Variants in LRRC37A2 observed in about 807,000 individuals in gnomAD.
LRRC37A2 encodes leucine-rich repeat-containing protein 37A2.
Under a neutral mutation model 68.8 loss-of-function variants are expected in LRRC37A2, and 9 were observed. The observed-to-expected ratio is 0.13, with a 90% CI of 0.08 to 0.23. The LOEUF is 0.23. LRRC37A2 is among the 10% of genes least tolerant of loss of function. The pLI, the probability that LRRC37A2 is intolerant of heterozygous loss-of-function variation, is 1.00. For synonymous variants in LRRC37A2, 63 were observed against 367.6 expected, an observed-to-expected ratio of 0.17 and a Z score of 9.48; for missense variants, 168 against 950.4, an observed-to-expected ratio of 0.18 and a Z score of 10.82.
At chr17:46,900,146 C>G in the LRRC37A2 span, among the ~76,000 whole-genome samples, 2 of 117,884 alleles carry the variant, frequency 1.7e-5, no homozygotes, top group Non-Finnish European at 3.3e-5. Flanking sequence ...TCCTCCCATC[C>G]TTTTCTATAT....
chr17:46,900,614 T>G, the LRRC37A2 span, among the ~76,000 whole-genome samples: 1 of 152,246 alleles, frequency 6.6e-6, no homozygotes, highest in South Asian at 2.1e-4. Context: ...GTGAAGAGTT[T>G]GGAGAAGGAG....
the LRRC37A2 span, chr17:46,938,631 C>G: frequency 1.7e-5 from 27 of 1,613,984 alleles, no homozygotes; most frequent in Admixed American, 2.3e-4. Flanking sequence ...ACATTGCCAA[C>G]ATGCTGGGCT....
At chr17:46,875,080 G>A in the LRRC37A2 span, 2 of 1,613,320 alleles carry the variant, frequency 1.2e-6, no homozygotes, top group Non-Finnish European at 1.7e-6. Context: ...CCCTCCCTAT[G>A]CCCCTGGGTG....
chr17:46,735,676 G>A, the LRRC37A2 span, among the ~76,000 whole-genome samples: 3 of 152,134 alleles, frequency 2.0e-5, no homozygotes, highest in African/African-American at 7.2e-5. Context: ...CAGGCGCAGT[G>A]GCTCATGCCT....
the LRRC37A2 span, among the ~76,000 whole-genome samples, chr17:46,887,481 A>C: frequency 1.3e-4 from 20 of 151,916 alleles, no homozygotes; most frequent in Non-Finnish European, 2.6e-4. Flanking sequence ...TCTCTCAGAG[A>C]GGGCCAGGCG....
the LRRC37A2 span, among the ~76,000 whole-genome samples, chr17:46,809,773 C>T: frequency 3.9e-5 from 6 of 152,030 alleles, no homozygotes; most frequent in African/African-American, 1.4e-4. Flanking sequence ...GGGTATGCCC[C>T]GTGACCAGTT....
At chr17:46,760,888 C>T in the LRRC37A2 span, among the ~76,000 whole-genome samples, 1 of 152,146 alleles carries the variant, frequency 6.6e-6, no homozygotes, top group African/African-American at 2.4e-5. Context: ...AAATTACCTT[C>T]AGGCTATGTG....
the LRRC37A2 span, among the ~76,000 whole-genome samples, chr17:46,791,407 A>T: frequency 3.3e-5 from 5 of 152,008 alleles, no homozygotes; most frequent in African/African-American, 4.8e-5. Flanking sequence ...GGGTTTCAAC[A>T]TGTTGGCCAG....
At chr17:46,389,682 CAT>C in the LRRC37A2 span, among the ~76,000 whole-genome samples, 8 of 56,910 alleles carry the variant, frequency 1.4e-4, no homozygotes, top group East Asian at 9.3e-4. Context: ...TTACTAGTGA[CAT>C]GTGACAATGG....
the LRRC37A2 span, among the ~76,000 whole-genome samples, chr17:46,816,115 A>ACACACACACACACACACGCACG: frequency 3.8e-5 from 1 of 26,346 alleles, no homozygotes; most frequent in South Asian, 3.5e-3. Context: ...GCGCACGTAC[A>ACACACACACACACACACGCACG]CACACACACA....
At chr17:46,999,429 G>T in the LRRC37A2 span, among the ~76,000 whole-genome samples, 1 of 152,160 alleles carries the variant, frequency 6.6e-6, no homozygotes, top group Non-Finnish European at 1.5e-5. Context: ...GCTTACTGCA[G>T]CCTTGAACTC....
the LRRC37A2 span, among the ~76,000 whole-genome samples, chr17:46,995,664 T>A: frequency 2.0e-4 from 31 of 152,192 alleles, no homozygotes; most frequent in Non-Finnish European, 1.6e-4. Context: ...GACAGGAGCC[T>A]AGATCCCTTC....
chr17:46,840,909 CT>C, the LRRC37A2 span, among the ~76,000 whole-genome samples: 1 of 152,158 alleles, frequency 6.6e-6, no homozygotes, highest in Non-Finnish European at 1.5e-5. Flanking sequence ...CCTTTGCAGG[CT>C]GTAAATTCTA....
the LRRC37A2 span, among the ~76,000 whole-genome samples, chr17:46,766,430 G>A: frequency 6.6e-6 from 1 of 151,786 alleles, no homozygotes; most frequent in African/African-American, 2.4e-5. Flanking sequence ...AAGTTCTGCT[G>A]GGCTCCCATT....
the LRRC37A2 span, among the ~76,000 whole-genome samples, chr17:46,711,912 G>T: frequency 2.6e-5 from 4 of 152,122 alleles, no homozygotes; most frequent in Non-Finnish European, 4.4e-5. Context: ...AAAGAGAAAG[G>T]GAGATTATCC....
chr17:46,833,024 C>G, the LRRC37A2 span: 1 of 289,290 alleles, frequency 3.5e-6, no homozygotes, highest in African/African-American at 2.2e-5. Context: ...TGCCTTGGCA[C>G]TTGGGGACTG....
chr17:46,902,461 CGTGTGTGT>C, the LRRC37A2 span, among the ~76,000 whole-genome samples: 1 of 148,016 alleles, frequency 6.8e-6, no homozygotes, highest in Non-Finnish European at 1.5e-5. Context: ...GGGAACAGTG[CGTGTGTGT>C]GTGTGTGTGT....
chr17:46,833,056 T>C, the LRRC37A2 span: 1 of 335,118 alleles, frequency 3.0e-6, no homozygotes, highest in South Asian at 2.4e-5. Context: ...CAGTGACTGC[T>C]GTGTCCCTGA....
chr17:46,721,615 A>T, the LRRC37A2 span: 8 of 1,583,032 alleles, frequency 5.1e-6, no homozygotes, highest in Non-Finnish European at 6.0e-6. Flanking sequence ...CAAAATTAAC[A>T]TCCTTGCCCG....
Sources: gnomAD v4.1 joint callset for allele counts (sites outside exome capture counted in the v4.1 genomes callset) on GRCh38, gnomAD v4.1.1 for gene constraint, MANE v1.5 for transcripts, NCBI Gene and HGNC (gene_info 2026-07-23, HGNC 2026-07-21) for gene names.